RBFOX1: variants seen among roughly 807,000 people sequenced by gnomAD.
RBFOX1 encodes RNA binding protein fox-1 homolog 1.
In RBFOX1, 8 loss-of-function variants were observed where a neutral mutation model predicts 57.7. That is an observed-to-expected ratio of 0.14 (90% confidence interval 0.08 to 0.25). RBFOX1 has a LOEUF of 0.25. Among genes scored for constraint, RBFOX1 ranks in the 10% least tolerant of loss-of-function variants. RBFOX1 has a pLI of 1.00. For missense variants in RBFOX1, 611 were observed against 548.5 expected (o/e 1.11, Z -1.14); for synonymous variants, 326 against 222.4 (o/e 1.47, Z -4.15).
rs1555469410 is a variant in RBFOX1 at position 6,009,802 on chromosome 16, A to ATGTGTGTGTGTGTCTGTGTG, written c.351+142481_351+142500dup. ...ATCTGTGACATGGGGCAGTGTGTGTATGTGTGTGTGTGTCTGTGTGTGTGT... is the reference window on the plus strand; with the variant it reads ...ATCTGTGACATGGGGCAGTGTGTGTATGTGTGTGTGTGTCTGTGTGTGTGTGTGTGTGTCTGTGTGTGTGT... On this transcript the variant is annotated intron_variant, in intron 4 of 19. Transcript: ENST00000641259. 7.2e-4 allele frequency among the ~76,000 whole-genome samples: 42 copies of ATGTGTGTGTGTGTCTGTGTG among 58,596 alleles called. No homozygotes were observed. The East Asian group carries it at 0.023, about 32-fold the overall frequency. The allele number at this position is 58,596 out of a possible 152,430, so 38.4% of individuals were successfully genotyped here. A position where few individuals can be genotyped will look rare whatever the true frequency, so the allele number is the denominator to read the frequency against.
At chr16:6,087,581 T>G (rs1282321895) in intron 1 of RBFOX1, among the ~76,000 whole-genome samples, 1 of 152,164 alleles carries the variant, frequency 6.6e-6, no homozygotes, top group Non-Finnish European at 1.5e-5. Flanking sequence ...GTGTAATACT[T>G]TAAATAACTA....
chr16:5,274,578 C>G (rs926525753), intron 1 of RBFOX1, among the ~76,000 whole-genome samples: 7 of 152,128 alleles, frequency 4.6e-5, no homozygotes, highest in African/African-American at 1.7e-4. Context: ...ATGAAAGCTT[C>G]CAAGTCTCTC....
intron 3 of RBFOX1, among the ~76,000 whole-genome samples, chr16:6,936,500 C>T (rs79799595): frequency 0.037 from 5,590 of 152,102 alleles, 339 homozygotes; most frequent in African/African-American, 0.13. Flanking sequence ...AATTGACTCC[C>T]GACTATGTAT....
rs2094647938 is a variant in RBFOX1, at chr16:7,595,696, C to G, written c.561+55C>G. 5 of 1,444,774 alleles carry G rather than the reference C, an allele frequency of 3.5e-6. No individual in the cohort carries two copies. In the East Asian group the frequency reaches 1.0e-4, roughly 29 times the overall value. 89.5% of individuals were successfully genotyped at this position (1,444,774 alleles called of 1,614,324 possible). On this transcript the variant is annotated intron_variant, in intron 8 of 15. Coordinates refer to ENST00000550418, the MANE Select transcript of RBFOX1 (RefSeq NM_018723.4). ...CTTTTTTATAAATGTCTGCTTCACG[C>G]TCATTCGTTGTTCCAGATGCATCAT...
At chr16:5,381,260 C>A (rs1009133359) in intron 1 of RBFOX1, among the ~76,000 whole-genome samples, 1 of 152,198 alleles carries the variant, frequency 6.6e-6, no homozygotes, top group Non-Finnish European at 1.5e-5. Context: ...ATCATCACAT[C>A]CATGCATATT....
At position 7,242,160 on chromosome 16, in the gene RBFOX1, C is replaced by T. The variant is rs560750500; in HGVS notation, c.27+190062C>T. On this transcript the variant is annotated intron_variant, in intron 4 of 15. Coordinates refer to ENST00000550418, the MANE Select transcript of RBFOX1 (RefSeq NM_018723.4). ...TTGGCACACATGCGCACAGAGAAAC[C>T]CATATATGTGTAGGTCATGCACTTA... 9.9e-5 allele frequency among the ~76,000 whole-genome samples: 15 copies of T among 152,178 alleles called. No individual in the cohort carries two copies. The East Asian group carries it at 2.7e-3, about 28-fold the overall frequency.
At chr16:6,139,060 T>G (rs1447163799) in intron 1 of RBFOX1, among the ~76,000 whole-genome samples, 2 of 152,126 alleles carry the variant, frequency 1.3e-5, no homozygotes, top group Admixed American at 6.5e-5. Context: ...TATACAGTTA[T>G]TAGTGTTGTT....
At chr16:6,070,512 A>G (rs2095822996) in intron 1 of RBFOX1, among the ~76,000 whole-genome samples, 1 of 152,204 alleles carries the variant, frequency 6.6e-6, no homozygotes, top group Non-Finnish European at 1.5e-5. Context: ...ATGAAGTCTG[A>G]CAAGAAGTCA....
rs770258369 is a variant in RBFOX1 at position 6,303,555 on chromosome 16, G to A, written c.-126-13440G>A. Among the ~76,000 whole-genome samples, 17 of 152,054 alleles carry A rather than the reference G, an allele frequency of 1.1e-4. 1 individual carries two copies. The highest frequency in any genetic ancestry group is 8.3e-4 in the South Asian group (4 of 4,826). On this transcript the variant is annotated intron_variant, in intron 1 of 15. Coordinates refer to ENST00000550418, the MANE Select transcript of RBFOX1 (RefSeq NM_018723.4). The stretch of plus-strand genomic sequence containing the variant: ...TATGTACTGAGGGTTTGCTTTTTGC[G>A]TTATTTTGTCTCTTTCTTTTCCTTC...
intron 1 of RBFOX1, among the ~76,000 whole-genome samples, chr16:6,135,751 G>A (rs2096661986): frequency 6.6e-6 from 1 of 150,786 alleles, no homozygotes; most frequent in African/African-American, 2.4e-5. Flanking sequence ...GCTGAAGGTG[G>A]CAGGGGAATT....
intron 1 of RBFOX1, among the ~76,000 whole-genome samples, chr16:5,400,666 ATT>A (rs145014186): frequency 4.7e-5 from 7 of 149,934 alleles, no homozygotes; most frequent in Admixed American, 1.3e-4. Flanking sequence ...GGCATGATTG[ATT>A]TTTTTTTTCT....
chr16:5,819,102 A>G (rs534331783), intron 3 of RBFOX1, among the ~76,000 whole-genome samples: 2 of 152,150 alleles, frequency 1.3e-5, no homozygotes, highest in African/African-American at 4.8e-5. Flanking sequence ...CTATAACAAA[A>G]CACCACAGAC....
intron 4 of RBFOX1, among the ~76,000 whole-genome samples, chr16:7,079,463 A>G (rs1452912402): frequency 1.3e-5 from 2 of 152,230 alleles, no homozygotes; most frequent in Non-Finnish European, 2.9e-5. Flanking sequence ...TTTGTCATGC[A>G]GCACAAGCAA....
At chr16:7,336,190 G>T (rs1168695638) in intron 4 of RBFOX1, among the ~76,000 whole-genome samples, 1 of 152,180 alleles carries the variant, frequency 6.6e-6, no homozygotes, top group East Asian at 1.9e-4. Flanking sequence ...AAGCTACTCA[G>T]AGGTCTTAGC....
At chr16:5,630,692 T>A (rs1355571123) in intron 3 of RBFOX1, among the ~76,000 whole-genome samples, 1 of 152,124 alleles carries the variant, frequency 6.6e-6, no homozygotes, top group African/African-American at 2.4e-5. Flanking sequence ...GGCTTCTTAT[T>A]CTTTTTCTAT....
At chr16:5,661,686 T>C (rs1364558625) in intron 3 of RBFOX1, among the ~76,000 whole-genome samples, 1 of 152,234 alleles carries the variant, frequency 6.6e-6, no homozygotes, top group East Asian at 1.9e-4. Context: ...TTGTGTATGG[T>C]GAAGACACTT....
At chr16:5,437,935 C>T (rs1161108291) in intron 1 of RBFOX1, among the ~76,000 whole-genome samples, 3 of 151,960 alleles carry the variant, frequency 2.0e-5, no homozygotes, top group Non-Finnish European at 2.9e-5. Context: ...TATATTTTTC[C>T]TTCTAGGGCA....
chr16:6,922,215 G>A (rs1105004), intron 3 of RBFOX1, among the ~76,000 whole-genome samples: 64,240 of 151,976 alleles, frequency 0.42, 13,949 homozygotes, highest in Middle Eastern at 0.48. Context: ...CTACAATGGA[G>A]AGGTCTGAGG....
rs377559317 is a variant in RBFOX1 at position 6,931,046 on chromosome 16, G to A, written c.-15-121011G>A. On this transcript the variant is annotated intron_variant, in intron 3 of 15. Coordinates refer to ENST00000550418, the MANE Select transcript of RBFOX1 (RefSeq NM_018723.4). ...TGGATGTAGAAATCAGGTTTTGTTG[G>A]TTTGTTTTTCATTGCTGTATGCCTA... is the stretch of plus-strand genomic sequence containing the variant. Among the ~76,000 whole-genome samples the A allele has an allele frequency of 9.2e-4, 140 of 151,830 alleles. 1 individual carries two copies. Among genetic ancestry groups the A allele is most frequent in the Middle Eastern group, 3.4e-3 (1 of 294 alleles).
Sources: allele counts gnomAD v4.1 joint callset (sites outside exome capture counted in the v4.1 genomes callset), GRCh38; gene constraint gnomAD v4.1.1; transcripts MANE v1.5; gene names NCBI Gene and HGNC (gene_info 2026-07-23, HGNC 2026-07-21).